Variants in CTNNA3 observed in about 807,000 individuals in gnomAD.
The protein encoded by CTNNA3 is catenin alpha-3.
A neutral mutation model predicts 95.7 loss-of-function variants in CTNNA3; 76 were observed. The ratio of observed to expected loss-of-function variants is 0.79; its 90% CI spans 0.66 to 0.96. The LOEUF (loss-of-function observed/expected upper bound fraction) is 0.96. Among genes scored for constraint, CTNNA3 ranks in the 40% least tolerant of loss-of-function variants. The pLI is 0.00. For synonymous variants in CTNNA3, 431 were observed against 374.4 expected (o/e 1.15, Z -1.74); for missense variants, 1,191 against 1,089.8 (o/e 1.09, Z -1.31).
chr10:66,002,082 A>G (rs1429980794), intron 15 of CTNNA3, among the ~76,000 whole-genome samples: 1 of 152,206 alleles, frequency 6.6e-6, no homozygotes, highest in African/African-American at 2.4e-5. Context: ...GAGCTGAATT[A>G]CAAGAGTAGG....
chr10:66,108,081 T>C (rs920574223), intron 13 of CTNNA3, among the ~76,000 whole-genome samples: 3 of 152,064 alleles, frequency 2.0e-5, no homozygotes, highest in Admixed American at 6.6e-5. Context: ...TAACGTCACA[T>C]GTTCAATGAT....
At chr10:66,000,303 T>C (rs2078745924) in intron 15 of CTNNA3, among the ~76,000 whole-genome samples, 1 of 115,258 alleles carries the variant, frequency 8.7e-6, no homozygotes, top group Non-Finnish European at 2.0e-5. Context: ...CTGGCATTCA[T>C]TCTCCTTCCT....
intron 1 of CTNNA3, chr10:67,750,550 G>A (rs748495513): frequency 1.3e-5 from 21 of 1,578,602 alleles, no homozygotes; most frequent in Non-Finnish European, 1.8e-5. Flanking sequence ...GACCCCTTGT[G>A]AGGAAAGCCT....
chr10:66,597,667 A>T (rs1843771137), intron 10 of CTNNA3, among the ~76,000 whole-genome samples: 1 of 150,784 alleles, frequency 6.6e-6, no homozygotes, highest in South Asian at 2.1e-4. Flanking sequence ...TCATGAGATT[A>T]TCAGTTGGTT....
At chr10:67,381,286 T>C (rs1843934989) in intron 5 of CTNNA3, among the ~76,000 whole-genome samples, 1 of 152,168 alleles carries the variant, frequency 6.6e-6, no homozygotes, top group African/African-American at 2.4e-5. Context: ...AAACCCAGAC[T>C]TTCCTAAGGC....
At chr10:66,394,476 T>A (rs1188930959) in intron 11 of CTNNA3, among the ~76,000 whole-genome samples, 1 of 151,574 alleles carries the variant, frequency 6.6e-6, no homozygotes, top group African/African-American at 2.4e-5. Context: ...CTGAGCTTTT[T>A]CATGTTAATT....
chr10:67,525,757 A>G (rs915504099), intron 4 of CTNNA3, among the ~76,000 whole-genome samples: 1 of 152,240 alleles, frequency 6.6e-6, no homozygotes, highest in Non-Finnish European at 1.5e-5. Flanking sequence ...ATTGATTCAA[A>G]TAACTCTAGA....
chr10:66,974,500 T>C (rs1166974961), intron 7 of CTNNA3, among the ~76,000 whole-genome samples: 1 of 152,200 alleles, frequency 6.6e-6, no homozygotes, highest in Non-Finnish European at 1.5e-5. Context: ...CATATGTTTT[T>C]ATTTCTCCTG....
At chr10:66,403,322 C>T (rs75009889) in intron 11 of CTNNA3, among the ~76,000 whole-genome samples, 2,951 of 152,056 alleles carry the variant, frequency 0.019, 109 homozygotes, top group African/African-American at 0.069. Context: ...ATTCTTACAC[C>T]TCTATAAAGA....
intron 10 of CTNNA3, among the ~76,000 whole-genome samples, chr10:66,619,277 C>A (rs1844651359): frequency 6.6e-6 from 1 of 151,390 alleles, no homozygotes; most frequent in Admixed American, 6.6e-5. Flanking sequence ...TTTATTGCAG[C>A]ACTATTCACA....
chr10:67,492,324 TG>T (rs1459608150), intron 5 of CTNNA3, among the ~76,000 whole-genome samples: 1 of 150,122 alleles, frequency 6.7e-6, no homozygotes, highest in Non-Finnish European at 1.5e-5. Flanking sequence ...GTTGGATAAG[TG>T]ATCATAATAA....
At chr10:67,199,322 A>G (rs1863524380) in intron 6 of CTNNA3, among the ~76,000 whole-genome samples, 1 of 149,928 alleles carries the variant, frequency 6.7e-6, no homozygotes, top group African/African-American at 2.5e-5. Flanking sequence ...TCATCACTAT[A>G]GAAAATTTTA....
intron 4 of CTNNA3, among the ~76,000 whole-genome samples, chr10:67,534,854 C>T (rs921841294): frequency 3.9e-5 from 6 of 152,002 alleles, no homozygotes; most frequent in Non-Finnish European, 8.8e-5. Context: ...TGGGGGAGAA[C>T]ATTATACTTG....
At chr10:66,108,899 A>G (rs2082009990) in intron 13 of CTNNA3, among the ~76,000 whole-genome samples, 1 of 152,128 alleles carries the variant, frequency 6.6e-6, no homozygotes, top group Non-Finnish European at 1.5e-5. Context: ...TTCCTTGCCT[A>G]AAGAAAAGTA....
chr10:66,487,247 G>A (rs1363807429), intron 11 of CTNNA3, among the ~76,000 whole-genome samples: 1 of 124,296 alleles, frequency 8.0e-6, no homozygotes, highest in East Asian at 2.5e-4. Flanking sequence ...TTTCGCCCAG[G>A]CTGGAGTGCG....
intron 9 of CTNNA3, among the ~76,000 whole-genome samples, chr10:66,683,055 C>T (rs374675819): frequency 1.3e-5 from 2 of 152,246 alleles, no homozygotes; most frequent in South Asian, 4.2e-4. Context: ...CCCCTATGAG[C>T]TTTCATATAT....
intron 7 of CTNNA3, among the ~76,000 whole-genome samples, chr10:66,811,246 A>C (rs1197225605): frequency 6.6e-6 from 1 of 152,180 alleles, no homozygotes; most frequent in African/African-American, 2.4e-5. Flanking sequence ...AGGGCACATA[A>C]GATTTTCAAG....
intron 17 of CTNNA3, among the ~76,000 whole-genome samples, chr10:65,940,582 G>T (rs1479434702): frequency 6.6e-6 from 1 of 152,192 alleles, no homozygotes; most frequent in Non-Finnish European, 1.5e-5. Context: ...CAGAAAGTAT[G>T]TGAGTTCATT....
At chr10:67,728,641 T>G (rs1373420148) in intron 1 of CTNNA3, among the ~76,000 whole-genome samples, 3 of 151,852 alleles carry the variant, frequency 2.0e-5, no homozygotes, top group Non-Finnish European at 2.9e-5. Flanking sequence ...ACTTAATTAT[T>G]ATGTATATGC....
Sources: gnomAD v4.1 joint callset for allele counts (sites outside exome capture counted in the v4.1 genomes callset) on GRCh38, gnomAD v4.1.1 for gene constraint, MANE v1.5 for transcripts, NCBI Gene and HGNC (gene_info 2026-07-23, HGNC 2026-07-21) for gene names.